LIPM: variants seen among roughly 807,000 people sequenced by gnomAD.
The protein encoded by LIPM is lipase member M.
A neutral mutation model predicts 42.4 loss-of-function variants in LIPM; 42 were observed. That is an observed-to-expected ratio of 0.99 (90% confidence interval 0.77 to 1.28). LIPM has a LOEUF of 1.28. Ranked by LOEUF, LIPM falls within the 50% of genes most tolerant of loss-of-function variation. The pLI is 0.00. For missense variants in LIPM, 524 were observed against 520.1 expected (o/e 1.01, Z -0.07); for synonymous variants, 177 against 173.3 (o/e 1.02, Z -0.17).
At chr10:88,815,698 T>C (rs1021364059) in intron 6 of LIPM, among the ~76,000 whole-genome samples, 195 bp downstream of exon 6, 2 of 152,214 alleles carry the variant, frequency 1.3e-5, no homozygotes, top group Non-Finnish European at 2.9e-5. Flanking sequence ...CATAAGGGCA[T>C]TGCTGATATT....
At chr10:88,804,328 C>T (rs1843561888) in intron 1 of LIPM, among the ~76,000 whole-genome samples, 1 of 152,154 alleles carries the variant, frequency 6.6e-6, no homozygotes, top group South Asian at 2.1e-4. Context: ...GTACCCAGCA[C>T]CTATACACTA....
At position 88,814,629 on chromosome 10, in the gene LIPM, C is replaced by A. The variant is rs777723800; in HGVS notation, c.564C>A (p.Gly188=). Residue 188 remains glycine (G), a synonymous_variant, in exon 4 of 9, where the codon GGC becomes GGA. Transcript: ENST00000404743. ...EKIYYVGYSQ[G]TTMGFIAFST... ...TCTATTATGTCGGCTATTCACAGGG[C>A]ACCACCATGGGTAGGTTCAAAGAAA... 1.0e-5 allele frequency: 16 copies of A among 1,551,338 alleles called. No homozygotes were observed. In the East Asian group the frequency reaches 3.7e-4, roughly 36 times the overall value.
Position 88,802,977 on chromosome 10 carries a change from C to G in LIPM, c.81C>G (p.Phe27Leu). ...MWLLILVAYM[F>L]QRNVNSVHMP... ...TTCTGATTCTGGTGGCGTATATGTT[C>G]CAGAGAAATGTGAATTCAGTACATA... is the stretch of plus-strand genomic sequence containing the variant. Residue 27 changes from phenylalanine to leucine, a missense_variant, in exon 1 of 9, where the codon TTC becomes TTG. Phe to Leu is a conservative substitution (Grantham distance 22). Coordinates refer to ENST00000404743, the MANE Select transcript of LIPM (RefSeq NM_001128215.1). 4 of 1,551,280 alleles carry G rather than the reference C, an allele frequency of 2.6e-6. No individual in the cohort carries two copies. In the South Asian group the frequency reaches 4.8e-5, roughly 18 times the overall value.
intron 2 of LIPM, among the ~76,000 whole-genome samples, chr10:88,809,282 T>C (rs1843626211): frequency 6.6e-6 from 1 of 152,206 alleles, no homozygotes; most frequent in Non-Finnish European, 1.5e-5. Context: ...GTTTGATACA[T>C]GTCTCCATAG....
chr10:88,806,158 T>A (rs1843584038), intron 1 of LIPM, among the ~76,000 whole-genome samples: 1 of 152,230 alleles, frequency 6.6e-6, no homozygotes. Flanking sequence ...GCATAAATTT[T>A]CCTGCCAAGT....
chr10:88,815,332 T>C (rs771820380), intron 5 of LIPM, 25 bp from the exon 6 acceptor site: 1 of 1,551,400 alleles, frequency 6.4e-7, no homozygotes, highest in South Asian at 1.2e-5. Context: ...GTCTGTCATG[T>C]CTATGTCACT....
intron 1 of LIPM, among the ~76,000 whole-genome samples, chr10:88,803,626 T>G (rs76458023): frequency 0.071 from 9,916 of 140,010 alleles, 937 homozygotes; most frequent in African/African-American, 0.22. Flanking sequence ...GAGGTTTTTT[T>G]TTTTTTTTTT....
intron 6 of LIPM, among the ~76,000 whole-genome samples, chr10:88,815,990 A>G (rs1266172214): frequency 6.6e-6 from 1 of 152,178 alleles, no homozygotes; most frequent in African/African-American, 2.4e-5. Flanking sequence ...GTCCTGCTCT[A>G]GGGATAATAC....
chr10:88,808,278 A>G lies in LIPM; in HGVS notation c.148-20A>G. 1.4e-6 allele frequency: 2 copies of G among 1,403,036 alleles called. No homozygotes were observed. Among genetic ancestry groups the G allele is most frequent in the Non-Finnish European group, 2.0e-6 (2 of 1,011,526 alleles). The allele number at this position is 1,403,036 out of a possible 1,614,324, so 86.9% of individuals were successfully genotyped here. On this transcript the variant is annotated intron_variant, in intron 1 of 8. Coordinates refer to ENST00000404743, the MANE Select transcript of LIPM (RefSeq NM_001128215.1). ...GGCCACAGAGAACTGAACCTAAAAG[A>G]AATTGTGCTTTTTCCATAGAGTGAA...
intron 8 of LIPM, among the ~76,000 whole-genome samples, chr10:88,818,236 T>C (rs959076451): frequency 1.3e-5 from 2 of 152,172 alleles, no homozygotes; most frequent in Middle Eastern, 3.4e-3. Flanking sequence ...AAAAATGGGA[T>C]GGTGGCAGTA....
At chr10:88,810,139 C>T (rs1414834843) in intron 2 of LIPM, among the ~76,000 whole-genome samples, 1 of 152,168 alleles carries the variant, frequency 6.6e-6, no homozygotes, top group Non-Finnish European at 1.5e-5. Flanking sequence ...TTGCTCAAGG[C>T]TAGAACCAGT....
At chr10:88,818,609 G>T in intron 8 of LIPM, among the ~76,000 whole-genome samples, 1 of 152,296 alleles carries the variant, frequency 6.6e-6, no homozygotes, top group East Asian at 1.9e-4. Flanking sequence ...TGGTAATCAT[G>T]TGTATGAATG....
At position 88,816,822 on chromosome 10, in the gene LIPM, G is replaced by A. The variant is rs1370622033; in HGVS notation, c.865G>A (p.Ala289Thr). ...TACTCATGGTTTGTTACAGAGCCGA[G>A]CAAGTGTATATGCTGCCCACACTCT... is the stretch of plus-strand genomic sequence containing the variant. The part of the protein sequence containing the change: ...FNTNNMNMSR[A>T]SVYAAHTLAG... Residue 289 changes from alanine to threonine, a missense_variant, in exon 7 of 9, where the codon GCA (alanine) becomes ACA (threonine). Ala to Thr is a moderately conservative substitution (Grantham distance 58, BLOSUM62 0). Transcript: ENST00000404743. 5.2e-6 allele frequency: 8 copies of A among 1,550,868 alleles called. No individual in the cohort carries two copies. The highest frequency in any genetic ancestry group is 7.0e-6 in the Non-Finnish European group (8 of 1,146,390).
intron 2 of LIPM, among the ~76,000 whole-genome samples, chr10:88,809,770 CT>C (rs1388146181): frequency 6.6e-6 from 1 of 152,126 alleles, no homozygotes; most frequent in African/African-American, 2.4e-5. Context: ...ACTTGTGTAG[CT>C]TTTTGAAACC....
In LIPM at chr10:88,813,391, G is replaced by T. The variant is rs879046050; in HGVS notation, c.464+96G>T. Reference sequence around the variant, plus strand: ...TTCTAGTATTTGGTTGATTTATTTTGGTTGAGTCATCATTATCTTAACATG... The same window carrying T: ...TTCTAGTATTTGGTTGATTTATTTTTGTTGAGTCATCATTATCTTAACATG... On this transcript the variant is annotated intron_variant, in intron 3 of 8. Transcript: ENST00000404743. 1.7e-5 allele frequency: 17 copies of T among 1,006,168 alleles called. No homozygotes were observed. The South Asian group carries it at 1.8e-4, about 11-fold the overall frequency. 62.3% of individuals were successfully genotyped at this position (1,006,168 alleles called of 1,614,324 possible).
chr10:88,807,122 A>G (rs1182001511), intron 1 of LIPM, among the ~76,000 whole-genome samples: 1 of 152,214 alleles, frequency 6.6e-6, no homozygotes, highest in East Asian at 1.9e-4. Flanking sequence ...AGTTCCTACT[A>G]TGTGCTGGGA....
intron 1 of LIPM, among the ~76,000 whole-genome samples, chr10:88,805,512 A>T (rs1843575214): frequency 6.6e-6 from 1 of 152,242 alleles, no homozygotes; most frequent in Non-Finnish European, 1.5e-5. Flanking sequence ...TAAAAAATAC[A>T]AAAGAAGGCA....
At chr10:88,818,901 CT>C (rs1286836164) in intron 8 of LIPM, among the ~76,000 whole-genome samples, 1 of 151,968 alleles carries the variant, frequency 6.6e-6, no homozygotes, top group East Asian at 1.9e-4. Context: ...TATTTATTTA[CT>C]TTTGAGACAG....
Position 88,815,199 on chromosome 10 carries a change from TG to T in LIPM, c.687del (p.Leu229PhefsTer6). The T allele has an allele frequency of 6.4e-7, 1 of 1,551,798 alleles. No individual in the cohort carries two copies. The highest frequency in any genetic ancestry group is 8.7e-7 in the Non-Finnish European group (1 of 1,146,856). ...GCAAAAAGCCCCGGGACCAAATTTTTGTTGCTGCCAGATATGATGATCAAGG... is the reference window on the plus strand; with the variant it reads ...GCAAAAAGCCCCGGGACCAAATTTTTTTGCTGCCAGATATGATGATCAAGG... ...KHAKSPGTKF[L>X]LLPDMMIKGL... On this transcript the variant is annotated frameshift_variant, in exon 5 of 9. Coordinates refer to ENST00000404743, the MANE Select transcript of LIPM (RefSeq NM_001128215.1). LOFTEE classifies it high-confidence loss of function.
Sources: gnomAD v4.1 joint callset for allele counts (sites outside exome capture counted in the v4.1 genomes callset) on GRCh38, gnomAD v4.1.1 for gene constraint, MANE v1.5 for transcripts, NCBI Gene and HGNC (gene_info 2026-07-23, HGNC 2026-07-21) for gene names.